ZEB1: variants seen among roughly 807,000 people sequenced by gnomAD.
ZEB1 encodes zinc finger E-box binding homeobox 1.
A neutral mutation model predicts 84.9 loss-of-function variants in ZEB1; 21 were observed. The observed-to-expected ratio is 0.25, with a 90% CI of 0.18 to 0.36. ZEB1 has a LOEUF of 0.36. Among genes scored for constraint, ZEB1 ranks in the 10% least tolerant of loss-of-function variants. The probability of loss-of-function intolerance (pLI) is 1.00; values close to 1 mark genes in which losing one functional copy is unlikely to be tolerated. For synonymous variants in ZEB1, 420 were observed against 471.1 expected (o/e 0.89, Z 1.41); for missense variants, 1,104 against 1,330.2 (o/e 0.83, Z 2.65).
rs530048238 is a variant in ZEB1, at chr10:31,466,611, T to TTC, written c.259+5376_259+5377dup. ...AAAACATGGAATGCAGCAAAAGCAGTTCTAAAAGAGAATTTTATAGCAATA... is the reference window on the plus strand; with the variant it reads ...AAAACATGGAATGCAGCAAAAGCAGTTCTCTAAAAGAGAATTTTATAGCAATA... On this transcript the variant is annotated intron_variant, in intron 2 of 8. Transcript: ENST00000424869. Among the ~76,000 whole-genome samples the TTC allele has an allele frequency of 1.3e-3, 196 of 152,250 alleles. 1 individual carries two copies. The highest frequency in any genetic ancestry group is 4.3e-3 in the African/African-American group (179 of 41,572).
chr10:31,382,117 C>T (rs2047802262), intron 1 of ZEB1, among the ~76,000 whole-genome samples: 1 of 151,102 alleles, frequency 6.6e-6, no homozygotes, highest in African/African-American at 2.4e-5. Flanking sequence ...TTACACAAAT[C>T]CCTGTGGCTG....
At chr10:31,331,308 C>T (rs1019946503) in intron 1 of ZEB1, among the ~76,000 whole-genome samples, 2 of 151,810 alleles carry the variant, frequency 1.3e-5, no homozygotes, top group South Asian at 4.2e-4. Context: ...GGATGGTCTC[C>T]ATCTCCTGAC....
chr10:31,515,123 A>G (rs1289789357), intron 6 of ZEB1, among the ~76,000 whole-genome samples: 6 of 152,046 alleles, frequency 3.9e-5, no homozygotes, highest in Admixed American at 6.6e-5. Context: ...GGAACTCAAG[A>G]TTAGAAAATA....
intron 1 of ZEB1, among the ~76,000 whole-genome samples, chr10:31,426,585 A>T (rs12219719): frequency 0.015 from 2,249 of 152,250 alleles, 49 homozygotes; most frequent in South Asian, 0.075. Flanking sequence ...CCAACTGGGG[A>T]CATCCTGTGA....
intron 1 of ZEB1, among the ~76,000 whole-genome samples, chr10:31,349,963 T>G (rs2041035143): frequency 6.6e-6 from 1 of 152,178 alleles, no homozygotes; most frequent in Non-Finnish European, 1.5e-5. Context: ...TGCCTATACT[T>G]TTAGGGTCAT....
rs558143078 is a variant in ZEB1, at chr10:31,411,979, C to T, written c.59-49058C>T. Among the ~76,000 whole-genome samples, 153 of 152,156 alleles carry T rather than the reference C, an allele frequency of 1.0e-3. 2 individuals are homozygous for T. Among genetic ancestry groups the T allele is most frequent in the African/African-American group, 3.4e-3 (142 of 41,512 alleles). On this transcript the variant is annotated intron_variant, in intron 1 of 8. Coordinates refer to ENST00000424869, the MANE Select transcript of ZEB1 (RefSeq NM_001174096.2). ...TTTGAAAATTTGTAATTCCATTTCA[C>T]GATCTCAACCAGAATTCATTATGTT... is the stretch of plus-strand genomic sequence containing the variant.
chr10:31,472,250 T>C (rs1041786542), intron 2 of ZEB1, among the ~76,000 whole-genome samples: 1 of 151,776 alleles, frequency 6.6e-6, no homozygotes, highest in African/African-American at 2.4e-5. Flanking sequence ...AAAAAACCCT[T>C]CAAAAAATTA....
chr10:31,404,798 G>T (rs539414682), intron 1 of ZEB1, among the ~76,000 whole-genome samples: 6 of 152,184 alleles, frequency 3.9e-5, no homozygotes, highest in African/African-American at 1.2e-4. Flanking sequence ...GCCATGTGGT[G>T]GCTAAGATAG....
intron 2 of ZEB1, among the ~76,000 whole-genome samples, chr10:31,467,633 G>A (rs1175246970): frequency 6.6e-6 from 1 of 152,124 alleles, no homozygotes; most frequent in Non-Finnish European, 1.5e-5. Context: ...AGGAGCCAGA[G>A]GACAAATCCA....
chr10:31,480,726 C>G (rs1053707772), intron 2 of ZEB1, among the ~76,000 whole-genome samples: 2 of 151,882 alleles, frequency 1.3e-5, no homozygotes, highest in Non-Finnish European at 2.9e-5. Flanking sequence ...ACATTTTGTC[C>G]TCTTTAAAAA....
intron 1 of ZEB1, among the ~76,000 whole-genome samples, chr10:31,449,075 C>T (rs1354347304): frequency 1.7e-4 from 26 of 152,342 alleles, no homozygotes; most frequent in Admixed American, 8.5e-4. Context: ...ACTCCGTGGG[C>T]GTAGGACCCT....
chr10:31,497,977 A>T (rs1261476917), intron 3 of ZEB1, among the ~76,000 whole-genome samples: 3 of 152,074 alleles, frequency 2.0e-5, no homozygotes, highest in Non-Finnish European at 2.9e-5. Flanking sequence ...AGATAGATTT[A>T]AAAATATTCA....
At chr10:31,378,311 T>TCATA (rs1006094945) in intron 1 of ZEB1, among the ~76,000 whole-genome samples, 2 of 151,424 alleles carry the variant, frequency 1.3e-5, no homozygotes, top group Non-Finnish European at 3.0e-5. Flanking sequence ...ATGTATATAC[T>TCATA]CATACATACA....
At chr10:31,421,989 C>A (rs1237163300) in intron 1 of ZEB1, among the ~76,000 whole-genome samples, 1 of 151,992 alleles carries the variant, frequency 6.6e-6, no homozygotes, top group Non-Finnish European at 1.5e-5. Flanking sequence ...CAAACATTGA[C>A]CCTGATTAAA....
At chr10:31,495,627 A>T in intron 2 of ZEB1, 149 bp from the exon 3 acceptor site, 1 of 713,600 alleles carries the variant, frequency 1.4e-6, no homozygotes, top group Non-Finnish European at 2.4e-6. Flanking sequence ...AGCTGTATAT[A>T]TTTGGGGAGT....
At chr10:31,448,788 G>A (rs1473617644) in intron 1 of ZEB1, among the ~76,000 whole-genome samples, 6 of 152,138 alleles carry the variant, frequency 3.9e-5, no homozygotes, top group East Asian at 3.9e-4. Context: ...CTCCAGCTGC[G>A]TACTGGGAGA....
rs72824238 is a variant in ZEB1, at chr10:31,394,479, C to T, written c.59-66558C>T. Among the ~76,000 whole-genome samples, 1,507 of 152,222 alleles carry T rather than the reference C, an allele frequency of 9.9e-3. 7 individuals carry two copies. The highest frequency in any genetic ancestry group is 0.017 in the Non-Finnish European group (1,161 of 68,006). ...CTTAGCACACCTATGTGATGAACAC[C>T]TAGATGAAGAAAAACAACAATATCA... On this transcript the variant is annotated intron_variant, in intron 1 of 8. Transcript: ENST00000424869.
At chr10:31,342,806 G>A (rs954089286) in intron 1 of ZEB1, among the ~76,000 whole-genome samples, 7 of 152,218 alleles carry the variant, frequency 4.6e-5, no homozygotes, top group African/African-American at 1.2e-4. Context: ...GGATAAGCTC[G>A]TTGGAAAGCT....
At chr10:31,522,258 A>G (rs189855628) in intron 7 of ZEB1, among the ~76,000 whole-genome samples, 3 of 152,348 alleles carry the variant, frequency 2.0e-5, no homozygotes, top group African/African-American at 4.8e-5. Context: ...TTCTGTTTTT[A>G]TAGCTAAATT....
Sources: gnomAD v4.1 joint callset for allele counts (sites outside exome capture counted in the v4.1 genomes callset) on GRCh38, gnomAD v4.1.1 for gene constraint, MANE v1.5 for transcripts, NCBI Gene and HGNC (gene_info 2026-07-23, HGNC 2026-07-21) for gene names.